Variants in ARID1B observed in about 807,000 individuals in gnomAD.
ARID1B encodes AT-rich interactive domain-containing protein 1B.
In ARID1B, 30 loss-of-function variants were observed where a neutral mutation model predicts 212.3. The ratio of observed to expected loss-of-function variants is 0.14; its 90% CI spans 0.11 to 0.19. ARID1B has a LOEUF of 0.19. ARID1B is among the 10% of genes least tolerant of loss of function. The pLI is 1.00. For synonymous variants in ARID1B, 1,402 were observed against 1,301.7 expected (o/e 1.08, Z -1.66); for missense variants, 2,891 against 3,204.0 (o/e 0.90, Z 2.36).
rs1785510414 is a variant in ARID1B at position 157,094,919 on chromosome 6, A to G, written c.2491+10014A>G. ...AATGATGGTTCTGTACAGAAGACAG[A>G]GGAACACGTTTTTGAAGGGGAATCG... On this transcript the variant is annotated intron_variant, in intron 5 of 19. Transcript: ENST00000636930. This position sits in a 1 kb window ranked among gnomAD's most constrained non-coding sequence, Gnocchi z 4.3. Among the ~76,000 whole-genome samples, 1 of 152,198 alleles carries G rather than the reference A, an allele frequency of 6.6e-6. No individual in the cohort carries two copies. The highest frequency in any genetic ancestry group is 2.1e-4 in the South Asian group (1 of 4,826).
intron 1 of ARID1B, among the ~76,000 whole-genome samples, chr6:156,783,538 A>G (rs956677775): frequency 4.6e-5 from 7 of 152,208 alleles, no homozygotes; most frequent in African/African-American, 1.7e-4. Flanking sequence ...GGCAGGGTGT[A>G]TCTATCTAAA....
At chr6:156,915,104 T>C (rs1287691656) in intron 3 of ARID1B, among the ~76,000 whole-genome samples, 1 of 152,254 alleles carries the variant, frequency 6.6e-6, no homozygotes, top group Non-Finnish European at 1.5e-5. Context: ...CTTTACAGTG[T>C]TGAAGAAGGT....
chr6:157,002,170 T>C (rs992686574), intron 4 of ARID1B, among the ~76,000 whole-genome samples: 8 of 152,218 alleles, frequency 5.3e-5, no homozygotes, highest in Admixed American at 3.9e-4. Context: ...GGATGAGAAA[T>C]AGATTTCATA....
In ARID1B at chr6:156,799,678, A is replaced by G. The variant is rs535609775; in HGVS notation, c.1791+20207A>G. 2.7e-3 allele frequency among the ~76,000 whole-genome samples: 417 copies of G among 152,268 alleles called. 2 individuals are homozygous for G. The highest frequency in any genetic ancestry group is 9.5e-3 in the African/African-American group (394 of 41,534). On this transcript the variant is annotated intron_variant, in intron 1 of 19. Coordinates refer to ENST00000636930, the MANE Select transcript of ARID1B (RefSeq NM_001374828.1). ...TTTTTAGTACAGATGGGGTTTCACC[A>G]TGTTGGCAAGGCTGGTCTCGAACTC...
At chr6:156,997,576 G>A (rs1055164152) in intron 4 of ARID1B, among the ~76,000 whole-genome samples, 1 of 151,798 alleles carries the variant, frequency 6.6e-6, no homozygotes, top group African/African-American at 2.4e-5. Flanking sequence ...TATGTAAGAA[G>A]TAACAGATGT....
At chr6:156,789,273 G>A (rs1779859821) in intron 1 of ARID1B, among the ~76,000 whole-genome samples, 1 of 152,148 alleles carries the variant, frequency 6.6e-6, no homozygotes, top group Non-Finnish European at 1.5e-5. Flanking sequence ...TGATTTTTCT[G>A]CTAAAGAAAA....
intron 1 of ARID1B, among the ~76,000 whole-genome samples, chr6:156,823,960 G>T (rs572824390): frequency 6.6e-6 from 1 of 152,178 alleles, no homozygotes; most frequent in South Asian, 2.1e-4. Context: ...CTTTAACTTG[G>T]ATCATCTTGA....
In ARID1B at chr6:156,979,660, C is replaced by T. The variant is rs145419343; in HGVS notation, c.2247+44084C>T. 2.3e-3 allele frequency among the ~76,000 whole-genome samples: 343 copies of T among 151,686 alleles called. 1 individual carries two copies. The highest frequency in any genetic ancestry group is 7.7e-3 in the African/African-American group (318 of 41,312). On this transcript the variant is annotated intron_variant, in intron 4 of 19. Transcript: ENST00000636930. Reference sequence around the variant, plus strand: ...GCAACCTCCGCCTCCCAGGTTCAAGCGATTCTCCTACCCCAGCCTCCTGAG... The same window carrying T: ...GCAACCTCCGCCTCCCAGGTTCAAGTGATTCTCCTACCCCAGCCTCCTGAG...
At chr6:156,845,906 T>G (rs181322514) in intron 2 of ARID1B, among the ~76,000 whole-genome samples, 1 of 152,298 alleles carries the variant, frequency 6.6e-6, no homozygotes, top group Non-Finnish European at 1.5e-5. Flanking sequence ...TTCATCTGAT[T>G]GCTTTTTTTG....
chr6:156,785,170 G>A (rs1400903805), intron 1 of ARID1B, among the ~76,000 whole-genome samples: 1 of 152,236 alleles, frequency 6.6e-6, no homozygotes, highest in Non-Finnish European at 1.5e-5. Context: ...AACTAATGAT[G>A]AAATTAACTT....
At chr6:156,945,724 A>G (rs987594266) in intron 4 of ARID1B, among the ~76,000 whole-genome samples, 4 of 152,216 alleles carry the variant, frequency 2.6e-5, no homozygotes, top group Non-Finnish European at 5.9e-5. Flanking sequence ...CTGGTTGTAT[A>G]TAAATGAAAA....
At chr6:157,184,484 G>A (rs1245996082) in intron 13 of ARID1B, 49 bp downstream of exon 13, 63 of 1,607,398 alleles carry the variant, frequency 3.9e-5, no homozygotes, top group Non-Finnish European at 4.9e-5. Flanking sequence ...CAGGCGCCTG[G>A]CCTGGGAGGT....
chr6:157,095,445 TA>T (rs1444235130), intron 5 of ARID1B, among the ~76,000 whole-genome samples: 3 of 152,100 alleles, frequency 2.0e-5, no homozygotes, highest in Non-Finnish European at 4.4e-5. Context: ...CCCAAAAAGG[TA>T]GAGACTGTGA....
chr6:156,894,936 C>T (rs1788263445), intron 2 of ARID1B, among the ~76,000 whole-genome samples: 1 of 152,160 alleles, frequency 6.6e-6, no homozygotes, highest in African/African-American at 2.4e-5. Context: ...AACAGACATT[C>T]ACCGAGCTCT....
At chr6:157,090,783 CTG>C (rs1218431759) in intron 5 of ARID1B, among the ~76,000 whole-genome samples, 4 of 152,212 alleles carry the variant, frequency 2.6e-5, no homozygotes, top group Non-Finnish European at 4.4e-5. Context: ...AGAGCTGAGA[CTG>C]TGAAGCCGGG....
At chr6:157,123,771 G>C (rs1342474271) in intron 6 of ARID1B, among the ~76,000 whole-genome samples, 1 of 152,250 alleles carries the variant, frequency 6.6e-6, no homozygotes, top group Non-Finnish European at 1.5e-5. Flanking sequence ...TAAACCTCTA[G>C]TGTGTGCAAG....
chr6:157,003,099 G>T (rs1779003049), intron 4 of ARID1B, among the ~76,000 whole-genome samples: 1 of 152,224 alleles, frequency 6.6e-6, no homozygotes, highest in Admixed American at 6.5e-5. Flanking sequence ...TCACAGAGGG[G>T]CTTTGAAGCT....
chr6:157,033,484 C>T (rs1232253293), intron 4 of ARID1B, among the ~76,000 whole-genome samples: 1 of 152,166 alleles, frequency 6.6e-6, no homozygotes, highest in Non-Finnish European at 1.5e-5. Context: ...GAGTGCTTTA[C>T]ATTGTGAACA....
intron 2 of ARID1B, among the ~76,000 whole-genome samples, chr6:156,899,416 C>T (rs1299501024): frequency 6.6e-6 from 1 of 152,222 alleles, no homozygotes; most frequent in Non-Finnish European, 1.5e-5. Context: ...CAGGTTTCCT[C>T]AGCCCAGGCT....
Sources: gnomAD v4.1 joint callset for allele counts (sites outside exome capture counted in the v4.1 genomes callset) on GRCh38, gnomAD v4.1.1 for gene constraint, Gnocchi (gnomAD v3.1) non-coding constraint, MANE v1.5 for transcripts, NCBI Gene and HGNC (gene_info 2026-07-23, HGNC 2026-07-21) for gene names.